The following ITPR2 variants were observed in gnomAD, a reference collection of about 807,000 sequenced individuals.
The protein encoded by ITPR2 is inositol 1,4,5-trisphosphate receptor type 2.
In ITPR2, 207 loss-of-function variants were observed where a neutral mutation model predicts 317.1. The ratio of observed to expected loss-of-function variants is 0.65; its 90% CI spans 0.58 to 0.73. The LOEUF (loss-of-function observed/expected upper bound fraction) is 0.73, where lower values mean the gene tolerates loss of function less well. ITPR2 is among the 30% of genes least tolerant of loss of function. The pLI is 0.00. For missense variants in ITPR2, 2,613 were observed against 3,284.0 expected (o/e 0.80, Z 4.99); for synonymous variants, 1,156 against 1,149.1 (o/e 1.01, Z -0.12).
chr12:26,794,354 T>G (rs904614319), intron 1 of ITPR2, among the ~76,000 whole-genome samples: 2 of 152,212 alleles, frequency 1.3e-5, no homozygotes, highest in African/African-American at 4.8e-5. Context: ...ATTAATTATT[T>G]TCACAAATGC....
chr12:26,357,161 C>T (rs916642337), intron 55 of ITPR2, among the ~76,000 whole-genome samples: 5 of 151,518 alleles, frequency 3.3e-5, no homozygotes, highest in African/African-American at 1.2e-4. Flanking sequence ...GAGGTTATGG[C>T]GTTGGGGGAA....
At chr12:26,428,543 AG>A (rs1315962802) in intron 48 of ITPR2, among the ~76,000 whole-genome samples, 1 of 152,208 alleles carries the variant, frequency 6.6e-6, no homozygotes, top group Non-Finnish European at 1.5e-5. Context: ...AGAATCTAGT[AG>A]AATAACCTTT....
intron 39 of ITPR2, 157 bp downstream of exon 39, chr12:26,493,996 C>T (rs1321541287): frequency 1.8e-6 from 1 of 554,222 alleles, no homozygotes; most frequent in Non-Finnish European, 3.1e-6. Context: ...GTAGTTTCTA[C>T]AGCAAACAAA....
rs78721131 is a variant in ITPR2 at position 26,582,646 on chromosome 12, T to C, written c.4381-2491A>G. 5.9e-3 allele frequency among the ~76,000 whole-genome samples: 905 copies of C among 152,284 alleles called. 14 individuals are homozygous for C. Among genetic ancestry groups the C allele is most frequent in the African/African-American group, 0.02 (849 of 41,562 alleles). On this transcript the variant is annotated intron_variant, in intron 32 of 56. Coordinates refer to ENST00000381340, the MANE Select transcript of ITPR2 (RefSeq NM_002223.4). Reference sequence around the variant, plus strand: ...GATTTTTTTTTGCTATTATAAAGAATTGTGCAAAGTTACTGTTTTCACTTT... The same window carrying C: ...GATTTTTTTTTGCTATTATAAAGAACTGTGCAAAGTTACTGTTTTCACTTT...
At chr12:26,436,710 T>C (rs908912871) in intron 47 of ITPR2, among the ~76,000 whole-genome samples, 3 of 152,156 alleles carry the variant, frequency 2.0e-5, no homozygotes, top group Non-Finnish European at 4.4e-5. Flanking sequence ...TATACTTCAT[T>C]GTATAATTTG....
intron 47 of ITPR2, among the ~76,000 whole-genome samples, chr12:26,436,709 T>C (rs567433988): frequency 1.3e-5 from 2 of 152,274 alleles, no homozygotes; most frequent in South Asian, 2.1e-4. Flanking sequence ...ATATACTTCA[T>C]TGTATAATTT....
chr12:26,514,555 T>C (rs934089550), intron 37 of ITPR2, among the ~76,000 whole-genome samples: 5 of 152,206 alleles, frequency 3.3e-5, no homozygotes, highest in Non-Finnish European at 5.9e-5. Context: ...CTGGAAATAA[T>C]AGTACATTGA....
At chr12:26,434,272 G>A (rs1280708284) in intron 48 of ITPR2, among the ~76,000 whole-genome samples, 1 of 152,130 alleles carries the variant, frequency 6.6e-6, no homozygotes, top group Non-Finnish European at 1.5e-5. Flanking sequence ...TCCTCCATAA[G>A]AATACAGATT....
chr12:26,578,747 TG>T lies in ITPR2; in HGVS notation c.4595del (p.Ser1532Ter). Reference sequence around the variant, plus strand: ...CCAAAGTTCTGATACAGGATTCCACTGAGGCTTTCTGCGCTGGGTTTGGCCA... The same window carrying T: ...CCAAAGTTCTGATACAGGATTCCACTAGGCTTTCTGCGCTGGGTTTGGCCA... ...CTWPNPAQKA[S>X]VESCIRTLAE... On this transcript the variant is annotated frameshift_variant, in exon 34 of 57. Transcript: ENST00000381340. LOFTEE classifies it high-confidence loss of function. The T allele has an allele frequency of 6.2e-7, 1 of 1,610,534 alleles. No individual in the cohort carries two copies. The highest frequency in any genetic ancestry group is 1.1e-5 in the South Asian group (1 of 90,686).
intron 13 of ITPR2, among the ~76,000 whole-genome samples, chr12:26,666,953 G>T (rs571303736): frequency 1.7e-4 from 26 of 152,278 alleles, no homozygotes; most frequent in Middle Eastern, 3.4e-3. Context: ...ATCTGTATTG[G>T]AAGGGTCAAG....
At chr12:26,737,268 C>CT (rs1032806418) in intron 2 of ITPR2, among the ~76,000 whole-genome samples, 4 of 149,622 alleles carry the variant, frequency 2.7e-5, no homozygotes, top group East Asian at 3.9e-4. Context: ...TTCTTTCTTT[C>CT]TTTTTTTTAA....
At chr12:26,596,748 T>A (rs1945856997) in intron 31 of ITPR2, 135 bp downstream of exon 31, 1 of 606,328 alleles carries the variant, frequency 1.6e-6, no homozygotes, top group Admixed American at 3.8e-5. Flanking sequence ...TTCCAAATTA[T>A]ATAGTTAAAT....
intron 49 of ITPR2, among the ~76,000 whole-genome samples, chr12:26,425,934 G>A (rs1221822626): frequency 2.0e-5 from 3 of 152,140 alleles, no homozygotes; most frequent in Non-Finnish European, 4.4e-5. Context: ...TCTCCCATGA[G>A]GGGAAAAAAT....
At chr12:26,460,032 T>C (rs1941977895) in intron 45 of ITPR2, among the ~76,000 whole-genome samples, 1 of 152,218 alleles carries the variant, frequency 6.6e-6, no homozygotes, top group Non-Finnish European at 1.5e-5. Flanking sequence ...TCACTTCATT[T>C]TCTCTCAACT....
chr12:26,478,654 T>C (rs940444967), intron 43 of ITPR2, among the ~76,000 whole-genome samples: 3 of 152,078 alleles, frequency 2.0e-5, no homozygotes, highest in Admixed American at 1.3e-4. Flanking sequence ...ATGAATTGAA[T>C]TGATAGTATA....
At chr12:26,536,332 G>A (rs1944088809) in intron 37 of ITPR2, among the ~76,000 whole-genome samples, 1 of 152,152 alleles carries the variant, frequency 6.6e-6, no homozygotes, top group South Asian at 2.1e-4. Context: ...ATTTTCTCAG[G>A]AGGAACAGCC....
At chr12:26,675,474 C>T (rs117918549) in intron 13 of ITPR2, among the ~76,000 whole-genome samples, 20,092 of 151,564 alleles carry the variant, frequency 0.13, 1,773 homozygotes, top group Non-Finnish European at 0.2. Context: ...ACATGTTCTA[C>T]TCATAGGTGG....
At chr12:26,539,888 G>A (rs1181107681) in intron 37 of ITPR2, among the ~76,000 whole-genome samples, 1 of 152,240 alleles carries the variant, frequency 6.6e-6, no homozygotes, top group Non-Finnish European at 1.5e-5. Flanking sequence ...TAGGACTAGG[G>A]AAGGTCAATG....
At chr12:26,512,433 T>G (rs192248753) in intron 37 of ITPR2, among the ~76,000 whole-genome samples, 2 of 152,198 alleles carry the variant, frequency 1.3e-5, no homozygotes, top group Non-Finnish European at 2.9e-5. Context: ...GCAGATTCAC[T>G]GGGCCAGACT....
Sources: allele counts gnomAD v4.1 joint callset (sites outside exome capture counted in the v4.1 genomes callset), GRCh38; gene constraint gnomAD v4.1.1; transcripts MANE v1.5; gene names NCBI Gene and HGNC (gene_info 2026-07-23, HGNC 2026-07-21).